FARS2: variants seen among roughly 807,000 people sequenced by gnomAD.
FARS2 encodes the protein phenylalanine--tRNA ligase, mitochondrial.
In FARS2, 40 loss-of-function variants were observed where a neutral mutation model predicts 46.4. That is an observed-to-expected ratio of 0.86 (90% CI 0.67 to 1.12). The LOEUF (loss-of-function observed/expected upper bound fraction) is 1.12, where lower values mean the gene tolerates loss of function less well. FARS2 is among the 50% of genes most tolerant of loss of function. The pLI is 0.00. For missense variants in FARS2, 513 were observed against 567.9 expected (o/e 0.90, Z 0.98); for synonymous variants, 234 against 214.9 (o/e 1.09, Z -0.78).
At chr6:5,612,096 C>T (rs1196916397) in intron 5 of FARS2, among the ~76,000 whole-genome samples, 1 of 151,564 alleles carries the variant, frequency 6.6e-6, no homozygotes, top group African/African-American at 2.4e-5. Context: ...CAACAGCACC[C>T]GGATGCTAAC....
chr6:5,763,727 C>G (rs914475138), intron 6 of FARS2, among the ~76,000 whole-genome samples: 1 of 151,724 alleles, frequency 6.6e-6, no homozygotes, highest in Non-Finnish European at 1.5e-5. Context: ...TCATGAGACC[C>G]TAAGTCTCAT....
chr6:5,762,635 T>C (rs1762534808), intron 6 of FARS2, among the ~76,000 whole-genome samples: 1 of 152,238 alleles, frequency 6.6e-6, no homozygotes, highest in Non-Finnish European at 1.5e-5. Context: ...CACGTGTCTC[T>C]AAGGAACTCT....
In FARS2 at chr6:5,592,834, G is replaced by T. The variant is rs1397341804; in HGVS notation, c.1066-20335G>T. Among the ~76,000 whole-genome samples the T allele has an allele frequency of 3.3e-5, 5 of 152,336 alleles. No individual in the cohort carries two copies. In the East Asian group the frequency reaches 9.7e-4, roughly 29 times the overall value. ...CTCCTTGCCTGCCACGAGGCCCAGA[G>T]CGAGAAAAGCCCAGAAAGGAGGACC... is the stretch of plus-strand genomic sequence containing the variant. On this transcript the variant is annotated intron_variant, in intron 5 of 6. Coordinates refer to ENST00000274680, the MANE Select transcript of FARS2 (RefSeq NM_006567.5).
At chr6:5,527,750 C>G (rs1166652015) in intron 4 of FARS2, among the ~76,000 whole-genome samples, 2 of 152,218 alleles carry the variant, frequency 1.3e-5, no homozygotes, top group Middle Eastern at 3.4e-3. Context: ...AAAAACAAAC[C>G]ACAACAAACA....
chr6:5,441,920 T>C (rs1002697172), intron 4 of FARS2, among the ~76,000 whole-genome samples: 1 of 152,166 alleles, frequency 6.6e-6, no homozygotes, highest in Admixed American at 6.5e-5. Flanking sequence ...GTTCAACTTA[T>C]TTTGGCAGTC....
intron 4 of FARS2, among the ~76,000 whole-genome samples, chr6:5,479,282 T>G (rs1339029379): frequency 6.6e-6 from 1 of 152,226 alleles, no homozygotes; most frequent in East Asian, 1.9e-4. Context: ...TGTGCCCTCT[T>G]TCTTGTTGGC....
At position 5,354,409 on chromosome 6, in the gene FARS2, AT is replaced by A. The variant is rs199634722; in HGVS notation, c.-21-14137del. 5.9e-3 allele frequency among the ~76,000 whole-genome samples: 894 copies of A among 152,156 alleles called. 11 individuals are homozygous for A. Among genetic ancestry groups the A allele is most frequent in the African/African-American group, 0.021 (865 of 41,512 alleles). On this transcript the variant is annotated intron_variant, in intron 1 of 6. Coordinates refer to ENST00000274680, the MANE Select transcript of FARS2 (RefSeq NM_006567.5). The stretch of plus-strand genomic sequence containing the variant: ...AAATCTATGATTGCACAGAATGCAG[AT>A]TTTCTTAAAGGATTACTATGGTCAT...
intron 2 of FARS2, among the ~76,000 whole-genome samples, chr6:5,379,519 G>T (rs1451125347): frequency 6.6e-6 from 1 of 152,132 alleles, no homozygotes; most frequent in Non-Finnish European, 1.5e-5. Context: ...ACTAAGACGG[G>T]GACCCAGAGA....
chr6:5,569,786 G>C (rs1410555996), intron 5 of FARS2, among the ~76,000 whole-genome samples: 1 of 152,114 alleles, frequency 6.6e-6, no homozygotes, highest in Admixed American at 6.6e-5. Context: ...TTGTTATGGG[G>C]GAGAGGTAGT....
intron 6 of FARS2, chr6:5,695,195 T>C (rs1488029654): frequency 6.6e-6 from 1 of 152,254 alleles, no homozygotes; most frequent in Non-Finnish European, 1.5e-5. Context: ...CCTGAGCCTT[T>C]TCAAGAAGCA....
At chr6:5,340,126 T>C (rs1771452469) in intron 1 of FARS2, among the ~76,000 whole-genome samples, 1 of 152,254 alleles carries the variant, frequency 6.6e-6, no homozygotes, top group African/African-American at 2.4e-5. Flanking sequence ...CATCTACTTA[T>C]CACAGTGACC....
rs1763132378 is a variant in FARS2 at position 5,431,052 on chromosome 6, A to G, written c.784A>G (p.Arg262Gly). 1 of 1,613,610 alleles carries G rather than the reference A, an allele frequency of 6.2e-7. No individual in the cohort carries two copies. The highest frequency in any genetic ancestry group is 8.5e-7 in the Non-Finnish European group (1 of 1,179,658). ...AHLFGDELEI[R>G]WVDCYFPFTH... ...TGGCAACTTTGCAGAGCTGGAGATA[A>G]GATGGGTAGACTGCTACTTCCCTTT... The change falls in exon 4 of 7, where the codon AGA (arginine) becomes GGA (glycine). Residue 262 changes from arginine to glycine, a missense_variant. Arg to Gly is a moderately radical substitution (Grantham distance 125). Coordinates refer to ENST00000274680, the MANE Select transcript of FARS2 (RefSeq NM_006567.5).
At chr6:5,752,921 G>T (rs980447123) in intron 6 of FARS2, among the ~76,000 whole-genome samples, 1 of 152,130 alleles carries the variant, frequency 6.6e-6, no homozygotes, top group Non-Finnish European at 1.5e-5. Context: ...AAGGGACAGT[G>T]TGGTGTCCGG....
chr6:5,539,384 G>GTATATATATATATATATATA (rs1554106819), intron 4 of FARS2, among the ~76,000 whole-genome samples: 1,674 of 79,340 alleles, frequency 0.021, 85 homozygotes, highest in African/African-American at 0.062. Flanking sequence ...TTTTTTTTGT[G>GTATATATATATATATATATA]TATATATATA....
At chr6:5,276,393 CT>C (rs1766337329) in intron 1 of FARS2, among the ~76,000 whole-genome samples, 1 of 152,016 alleles carries the variant, frequency 6.6e-6, no homozygotes, top group South Asian at 2.1e-4. Context: ...AATTTATTTC[CT>C]ACATCAGGAC....
At chr6:5,371,725 A>C (rs935450299) in intron 2 of FARS2, among the ~76,000 whole-genome samples, 2 of 152,128 alleles carry the variant, frequency 1.3e-5, no homozygotes, top group African/African-American at 4.8e-5. Context: ...ATACATTGCA[A>C]ACAGTTGGAG....
chr6:5,527,113 T>G (rs1227611919), intron 4 of FARS2, among the ~76,000 whole-genome samples: 1 of 152,248 alleles, frequency 6.6e-6, no homozygotes, highest in Non-Finnish European at 1.5e-5. Flanking sequence ...AACTGCTATA[T>G]CCACTGTTTT....
At chr6:5,645,239 T>TG (rs1462064896) in intron 6 of FARS2, among the ~76,000 whole-genome samples, 1 of 152,236 alleles carries the variant, frequency 6.6e-6, no homozygotes, top group East Asian at 1.9e-4. Flanking sequence ...TGCATTTACC[T>TG]GCTTGCAGGC....
intron 1 of FARS2, among the ~76,000 whole-genome samples, chr6:5,322,221 C>A (rs1444679101): frequency 6.6e-6 from 1 of 152,190 alleles, no homozygotes; most frequent in Non-Finnish European, 1.5e-5. Context: ...AATAAACTGT[C>A]ATTTTGTTTT....
Sources: allele counts gnomAD v4.1 joint callset (sites outside exome capture counted in the v4.1 genomes callset), GRCh38; gene constraint gnomAD v4.1.1; transcripts MANE v1.5; gene names NCBI Gene and HGNC (gene_info 2026-07-23, HGNC 2026-07-21).